EPHA7: variants seen among roughly 807,000 people sequenced by gnomAD.
EPHA7 encodes the protein ephrin type-A receptor 7.
In EPHA7, 25 loss-of-function variants were observed where a neutral mutation model predicts 112.6. The ratio of observed to expected loss-of-function variants is 0.22; its 90% CI spans 0.16 to 0.31. The LOEUF (loss-of-function observed/expected upper bound fraction) is 0.31. Among genes scored for constraint, EPHA7 ranks in the 10% least tolerant of loss-of-function variants. The probability of loss-of-function intolerance (pLI) is 1.00; values close to 1 mark genes in which losing one functional copy is unlikely to be tolerated. For synonymous variants in EPHA7, 437 were observed against 406.5 expected, an observed-to-expected ratio of 1.07 and a Z score of -0.90; for missense variants, 962 against 1,212.6, an observed-to-expected ratio of 0.79 and a Z score of 3.07.
At chr6:93,367,398 G>C (rs1305823351) in intron 3 of EPHA7, among the ~76,000 whole-genome samples, 1 of 152,136 alleles carries the variant, frequency 6.6e-6, no homozygotes, top group African/African-American at 2.4e-5. Context: ...TACTGAGAAA[G>C]GTCAGAGAGT....
At chr6:93,319,290 T>C (rs1773953994) in intron 5 of EPHA7, among the ~76,000 whole-genome samples, 2 of 152,080 alleles carry the variant, frequency 1.3e-5, no homozygotes, top group South Asian at 2.1e-4. Flanking sequence ...TCATTGAGCA[T>C]GCAGGGTTTG....
At chr6:93,291,126 C>A (rs943333475) in intron 5 of EPHA7, among the ~76,000 whole-genome samples, 2 of 151,956 alleles carry the variant, frequency 1.3e-5, no homozygotes, top group Non-Finnish European at 2.9e-5. Flanking sequence ...TCTGAAAACC[C>A]CCTTATGGAT....
chr6:93,386,181 A>C (rs1777595884), intron 3 of EPHA7, among the ~76,000 whole-genome samples: 1 of 152,196 alleles, frequency 6.6e-6, no homozygotes, highest in East Asian at 1.9e-4. Flanking sequence ...AACTCATTCC[A>C]GCTTTAACCC....
At chr6:93,385,883 C>T (rs554638878) in intron 3 of EPHA7, among the ~76,000 whole-genome samples, 11 of 152,180 alleles carry the variant, frequency 7.2e-5, no homozygotes, top group South Asian at 2.1e-4. Flanking sequence ...TGGAAGGGGA[C>T]GCAAACACGT....
chr6:93,299,447 A>G (rs1562079791), intron 5 of EPHA7, among the ~76,000 whole-genome samples: 1 of 152,148 alleles, frequency 6.6e-6, no homozygotes, highest in Non-Finnish European at 1.5e-5. Context: ...ATCTCATACC[A>G]GTCAGTTTAG....
At chr6:93,268,760 T>TAC (rs1771070018) in intron 7 of EPHA7, among the ~76,000 whole-genome samples, 1 of 151,802 alleles carries the variant, frequency 6.6e-6, no homozygotes, top group African/African-American at 2.4e-5. Flanking sequence ...ACACTATATA[T>TAC]ACACATGCAT....
chr6:93,338,848 G>A (rs1420464691), intron 5 of EPHA7, among the ~76,000 whole-genome samples: 1 of 150,738 alleles, frequency 6.6e-6, no homozygotes, highest in Non-Finnish European at 1.5e-5. Context: ...TGATAGAGAA[G>A]AAAATCATAT....
chr6:93,289,277 A>C (rs543171465), intron 5 of EPHA7, among the ~76,000 whole-genome samples: 1 of 152,320 alleles, frequency 6.6e-6, no homozygotes, highest in South Asian at 2.1e-4. Context: ...CAAATTAGTG[A>C]TACCATGTAT....
At chr6:93,271,962 A>G (rs936705624) in intron 6 of EPHA7, among the ~76,000 whole-genome samples, 1 of 151,876 alleles carries the variant, frequency 6.6e-6, no homozygotes, top group Non-Finnish European at 1.5e-5. Context: ...ACTAAAGAAA[A>G]TATTTTTCAA....
At chr6:93,284,567 G>C (rs1771962719) in intron 5 of EPHA7, among the ~76,000 whole-genome samples, 1 of 152,108 alleles carries the variant, frequency 6.6e-6, no homozygotes, top group African/African-American at 2.4e-5. Context: ...ACTGTCCACA[G>C]TAGCAAAGTC....
intron 5 of EPHA7, among the ~76,000 whole-genome samples, chr6:93,342,547 A>G (rs1213943982): frequency 6.6e-6 from 1 of 151,780 alleles, no homozygotes; most frequent in Non-Finnish European, 1.5e-5. Flanking sequence ...GAGTAATCAA[A>G]TAGAGTTATA....
intron 1 of EPHA7, among the ~76,000 whole-genome samples, chr6:93,418,654 C>G (rs887184893): frequency 6.6e-6 from 1 of 152,210 alleles, no homozygotes; most frequent in Middle Eastern, 3.2e-3. Context: ...CGTTATTGTT[C>G]CGTGCTGGCG....
intron 3 of EPHA7, among the ~76,000 whole-genome samples, chr6:93,387,268 C>A (rs114281171): frequency 5.5e-4 from 83 of 152,252 alleles, no homozygotes; most frequent in African/African-American, 2.0e-3. Flanking sequence ...AAAATGCCAG[C>A]AGTCTCTTTG....
chr6:93,381,928 C>T (rs978144570), intron 3 of EPHA7, among the ~76,000 whole-genome samples: 1 of 152,124 alleles, frequency 6.6e-6, no homozygotes, highest in East Asian at 1.9e-4. Flanking sequence ...TGTTCCTCTT[C>T]CACTTTAATC....
intron 6 of EPHA7, among the ~76,000 whole-genome samples, chr6:93,271,739 T>C (rs1771230551): frequency 1.3e-5 from 2 of 151,912 alleles, no homozygotes; most frequent in Non-Finnish European, 2.9e-5. Flanking sequence ...GAGGTGTAAA[T>C]AAGTCCCATA....
chr6:93,375,078 G>A (rs949261877), intron 3 of EPHA7, among the ~76,000 whole-genome samples: 30 of 151,946 alleles, frequency 2.0e-4, no homozygotes, highest in Admixed American at 1.6e-3. Flanking sequence ...ATTTCAACAA[G>A]TAAGGAAACA....
intron 5 of EPHA7, among the ~76,000 whole-genome samples, chr6:93,350,035 G>A (rs1027537357): frequency 1.4e-4 from 22 of 151,894 alleles, no homozygotes; most frequent in African/African-American, 5.1e-4. Flanking sequence ...AAAGTAAAGG[G>A]AATACTGACG....
chr6:93,332,703 A>C (rs916394189), intron 5 of EPHA7, among the ~76,000 whole-genome samples: 2 of 151,734 alleles, frequency 1.3e-5, no homozygotes, highest in Non-Finnish European at 3.0e-5. Context: ...CAATTAAGTA[A>C]AAAATATGAT....
Position 93,410,398 on chromosome 6 carries a change from G to T in EPHA7, c.832+103C>A. On this transcript the variant is annotated intron_variant, in intron 3 of 16. Coordinates refer to ENST00000369303, the MANE Select transcript of EPHA7 (RefSeq NM_004440.4). This position sits in a 1 kb window ranked among gnomAD's most constrained non-coding sequence, Gnocchi z 4.0. Reference sequence around the variant, plus strand: ...TAAGATCTACTGAATTGCGCTTCTGGTACAGAGCAGATTCACGTATTCAAA... The same window carrying T: ...TAAGATCTACTGAATTGCGCTTCTGTTACAGAGCAGATTCACGTATTCAAA... 2.8e-6 allele frequency: 3 copies of T among 1,088,990 alleles called. No homozygotes were observed. Among genetic ancestry groups the T allele is most frequent in the Non-Finnish European group, 4.0e-6 (3 of 754,026 alleles). The allele number at this position is 1,088,990 out of a possible 1,614,324, so 67.5% of individuals were successfully genotyped here.
Sources: gnomAD v4.1 joint callset for allele counts (sites outside exome capture counted in the v4.1 genomes callset) on GRCh38, gnomAD v4.1.1 for gene constraint, Gnocchi (gnomAD v3.1) non-coding constraint, MANE v1.5 for transcripts, NCBI Gene and HGNC (gene_info 2026-07-23, HGNC 2026-07-21) for gene names.